The following CHURC1 variants were observed in gnomAD, a reference collection of about 807,000 sequenced individuals.
CHURC1 encodes the protein protein Churchill.
CHURC1 carries 12 observed loss-of-function variants against 15.4 expected under a neutral mutation model. The ratio of observed to expected loss-of-function variants is 0.78; its 90% CI spans 0.50 to 1.27. The LOEUF (loss-of-function observed/expected upper bound fraction) is 1.27. Ranked by LOEUF, CHURC1 falls within the 50% of genes most tolerant of loss-of-function variation. The probability of loss-of-function intolerance (pLI) is 0.00; values close to 1 mark genes in which losing one functional copy is unlikely to be tolerated. For synonymous variants in CHURC1, 42 were observed against 47.5 expected (o/e 0.88, Z 0.48); for missense variants, 132 against 137.8 (o/e 0.96, Z 0.21).
chr14:64,926,144 TG>T, intron 3 of CHURC1, 64 bp downstream of exon 3: 1 of 1,180,588 alleles, frequency 8.5e-7, no homozygotes, highest in Non-Finnish European at 1.2e-6. Context: ...AAAGTGCTCT[TG>T]AGAATCTAAA....
chr14:64,926,559 G>A (rs146341552), intron 3 of CHURC1, among the ~76,000 whole-genome samples: 1,570 of 152,280 alleles, frequency 0.01, 16 homozygotes, highest in Non-Finnish European at 0.016. Context: ...TTACGTGATT[G>A]CACAGTTGTG....
chr14:64,916,170 A>G (rs551624146), intron 1 of CHURC1, among the ~76,000 whole-genome samples: 1 of 152,380 alleles, frequency 6.6e-6, no homozygotes, highest in South Asian at 2.1e-4. Flanking sequence ...AGTGTTGATG[A>G]AAGAACACAT....
rs1456773917 is a variant in CHURC1 at position 64,934,607 on chromosome 14, T to C, written c.*2377T>C. ...AGTTGTTTTATTCCTGGAAAATGTTTTTCATTTTGCTGCAAATCTATATCT... is the reference window on the plus strand; with the variant it reads ...AGTTGTTTTATTCCTGGAAAATGTTCTTCATTTTGCTGCAAATCTATATCT... On this transcript the variant is annotated 3_prime_UTR_variant, in exon 4 of 4. Transcript: ENST00000549115. The C allele has an allele frequency of 3.0e-6, 3 of 985,330 alleles. No individual in the cohort carries two copies. The highest frequency in any genetic ancestry group is 4.7e-5 in the South Asian group (1 of 21,294). The allele number at this position is 985,330 out of a possible 1,614,324, so 61.0% of individuals were successfully genotyped here.
chr14:64,924,151 T>G (rs920359447), intron 2 of CHURC1, 25 bp downstream of exon 2: 2 of 1,587,374 alleles, frequency 1.3e-6, no homozygotes, highest in Non-Finnish European at 1.7e-6. Context: ...TTTTTTAACC[T>G]GAGTGTGTTA....
chr14:64,933,673 C>G lies in CHURC1; in HGVS notation c.*1443C>G, dbSNP rs1885198230. 3.0e-6 allele frequency: 3 copies of G among 985,286 alleles called. No homozygotes were observed. Among genetic ancestry groups the G allele is most frequent in the Admixed American group, 6.2e-5 (1 of 16,250 alleles). 61.0% of individuals were successfully genotyped at this position (985,286 alleles called of 1,614,324 possible). A position where few individuals can be genotyped will look rare whatever the true frequency, so the allele number is the denominator to read the frequency against. ...GAGGTGGCTTCAATTAGTGCTCATT[C>G]TGAGACCTAAATTTAAAGGGTCAGG... On this transcript the variant is annotated 3_prime_UTR_variant, in exon 4 of 4. Coordinates refer to ENST00000549115, the MANE Select transcript of CHURC1 (RefSeq NM_001386928.1).
At position 64,926,177 on chromosome 14, in the gene CHURC1, G is replaced by A. The variant is rs1024516781; in HGVS notation, c.246+97G>A. On this transcript the variant is annotated intron_variant, in intron 3 of 3. Coordinates refer to ENST00000549115, the MANE Select transcript of CHURC1 (RefSeq NM_001386928.1). Reference sequence around the variant, plus strand: ...TAAATACGGTTTTCATAAGTGAAGTGCAAAGCGTTAGCATATATTAAAGGA... The same window carrying A: ...TAAATACGGTTTTCATAAGTGAAGTACAAAGCGTTAGCATATATTAAAGGA... The A allele has an allele frequency of 1.4e-5, 10 of 724,998 alleles. No individual in the cohort carries two copies. The Admixed American group carries it at 2.0e-4, about 14-fold the overall frequency. 44.9% of individuals were successfully genotyped at this position (724,998 alleles called of 1,614,324 possible). A position where few individuals can be genotyped will look rare whatever the true frequency, so the allele number is the denominator to read the frequency against.
intron 1 of CHURC1, among the ~76,000 whole-genome samples, chr14:64,917,885 G>A (rs1239103529): frequency 6.6e-6 from 1 of 152,160 alleles, no homozygotes; most frequent in Non-Finnish European, 1.5e-5. Context: ...AAACAAAATT[G>A]GGGACAAATG....
chr14:64,914,710 G>T (rs1221507860), intron 1 of CHURC1, among the ~76,000 whole-genome samples, 176 bp downstream of exon 1: 1 of 152,232 alleles, frequency 6.6e-6, no homozygotes, highest in Non-Finnish European at 1.5e-5. Context: ...TGCACCTCTG[G>T]TACCCGCCCT....
rs555815255 is a variant in CHURC1, at chr14:64,922,912, G to A, written c.40-1079G>A. Among the ~76,000 whole-genome samples, 5 of 152,196 alleles carry A rather than the reference G, an allele frequency of 3.3e-5. No individual in the cohort carries two copies. The South Asian group carries it at 6.2e-4, about 19-fold the overall frequency. On this transcript the variant is annotated intron_variant, in intron 1 of 3. Coordinates refer to ENST00000549115, the MANE Select transcript of CHURC1 (RefSeq NM_001386928.1). ...ATTATTTATGGTGGATCTTAATTTC[G>A]CTGATGCTTCTTAAAACTCCTTGAA...
At position 64,934,874 on chromosome 14, in the gene CHURC1, A is replaced by G. The variant is rs772108253; in HGVS notation, c.*2644A>G. 6.9e-5 allele frequency: 68 copies of G among 984,324 alleles called. No individual in the cohort carries two copies. In the African/African-American group the frequency reaches 1.0e-3, roughly 15 times the overall value. The allele number at this position is 984,324 out of a possible 1,614,324, so 61.0% of individuals were successfully genotyped here. A position where few individuals can be genotyped will look rare whatever the true frequency, so the allele number is the denominator to read the frequency against. On this transcript the variant is annotated 3_prime_UTR_variant, in exon 4 of 4. Transcript: ENST00000549115. ...TTTGGACTATATGTTACAAAAATTT[A>G]AAACATAAGATCCTCTCTCTATATT... is the stretch of plus-strand genomic sequence containing the variant.
chr14:64,923,413 C>G (rs977050245), intron 1 of CHURC1, among the ~76,000 whole-genome samples: 2 of 152,066 alleles, frequency 1.3e-5, no homozygotes, highest in Non-Finnish European at 2.9e-5. Flanking sequence ...TTGTGTCAGT[C>G]TTACGAAATG....
intron 3 of CHURC1, 63 bp from the exon 4 acceptor site, chr14:64,932,075 G>A (rs1402444598): frequency 8.3e-6 from 13 of 1,562,854 alleles, no homozygotes; most frequent in Middle Eastern, 3.4e-4. Context: ...CTTAACTAGA[G>A]TAAGTTATAA....
chr14:64,930,738 T>A, intron 3 of CHURC1: 1 of 426,520 alleles, frequency 2.3e-6, no homozygotes, highest in Non-Finnish European at 4.6e-6. Flanking sequence ...AGTATTTGTT[T>A]AGCCTCACAC....
At position 64,932,397 on chromosome 14, in the gene CHURC1, C is replaced by T. The variant is rs1885130120; in HGVS notation, c.*167C>T. 7.3e-7 allele frequency: 1 copy of T among 1,376,128 alleles called. No individual in the cohort carries two copies. Among genetic ancestry groups the T allele is most frequent in the African/African-American group, 1.5e-5 (1 of 68,630 alleles). The allele number at this position is 1,376,128 out of a possible 1,614,324, so 85.2% of individuals were successfully genotyped here. A position where few individuals can be genotyped will look rare whatever the true frequency, so the allele number is the denominator to read the frequency against. Reference sequence around the variant, plus strand: ...AGGTAATGTAGGAGCTCATTGTTCTCTAGAGCTGAGCTCTTCTGCTAAAGT... The same window carrying T: ...AGGTAATGTAGGAGCTCATTGTTCTTTAGAGCTGAGCTCTTCTGCTAAAGT... On this transcript the variant is annotated 3_prime_UTR_variant, in exon 4 of 4. Coordinates refer to ENST00000549115, the MANE Select transcript of CHURC1 (RefSeq NM_001386928.1).
rs537315713 is a variant in CHURC1, at chr14:64,925,789, G to A, written c.176-221G>A. The stretch of plus-strand genomic sequence containing the variant: ...TGCTTCTCTTAAAGAACTTTTGGTG[G>A]CAATTAATAAAAGCTCAGACTCAGA... On this transcript the variant is annotated intron_variant, in intron 2 of 3. Transcript: ENST00000549115. Among the ~76,000 whole-genome samples, 162 of 151,280 alleles carry A rather than the reference G, an allele frequency of 1.1e-3. 2 individuals are homozygous for A. Among genetic ancestry groups the A allele is most frequent in the African/African-American group, 3.7e-3 (152 of 40,998 alleles).
chr14:64,933,470 C>T lies in CHURC1; in HGVS notation c.*1240C>T, dbSNP rs766868483. 4.4e-5 allele frequency: 43 copies of T among 985,352 alleles called. No individual in the cohort carries two copies. Among genetic ancestry groups the T allele is most frequent in the Middle Eastern group, 5.2e-4 (1 of 1,912 alleles). The allele number at this position is 985,352 out of a possible 1,614,324, so 61.0% of individuals were successfully genotyped here. Reference sequence around the variant, plus strand: ...ATAAACTGGCATTTAGGCCTCTCTGCCATTTAGTAGCAGTATAGTCATTAA... The same window carrying T: ...ATAAACTGGCATTTAGGCCTCTCTGTCATTTAGTAGCAGTATAGTCATTAA... On this transcript the variant is annotated 3_prime_UTR_variant, in exon 4 of 4. Transcript: ENST00000549115.
At position 64,914,495 on chromosome 14, in the gene CHURC1, G is replaced by T. The variant is rs770950234; in HGVS notation, c.-1G>T. ...GGACATTCCCTGTTGACTGCGTCGC[G>T]ATGTGTGGCGACTGTGTGGAGAAGG... On this transcript the variant is annotated 5_prime_UTR_variant, in exon 1 of 4. Transcript: ENST00000549115. 1.9e-6 allele frequency: 3 copies of T among 1,614,262 alleles called. No homozygotes were observed. Among genetic ancestry groups the T allele is most frequent in the Non-Finnish European group, 2.5e-6 (3 of 1,180,040 alleles).
At chr14:64,920,040 C>A (rs951723284) in intron 1 of CHURC1, among the ~76,000 whole-genome samples, 2 of 151,722 alleles carry the variant, frequency 1.3e-5, no homozygotes, top group African/African-American at 2.4e-5. Flanking sequence ...TAAGAAAAAC[C>A]GTATTTTCCA....
chr14:64,916,546 A>C lies in CHURC1; in HGVS notation c.39+2012A>C, dbSNP rs367758289. ...CATGAGGGAGGAGTTTGCAGTAGAG[A>C]ATATTAAAGAGATTAGGTTGGATTC... is the stretch of plus-strand genomic sequence containing the variant. On this transcript the variant is annotated intron_variant, in intron 1 of 3. Transcript: ENST00000549115. Among the ~76,000 whole-genome samples the C allele has an allele frequency of 7.9e-5, 12 of 152,198 alleles. No individual in the cohort carries two copies. The East Asian group carries it at 1.4e-3, about 17-fold the overall frequency.
Sources: gnomAD v4.1 joint callset for allele counts (sites outside exome capture counted in the v4.1 genomes callset) on GRCh38, gnomAD v4.1.1 for gene constraint, MANE v1.5 for transcripts, NCBI Gene and HGNC (gene_info 2026-07-23, HGNC 2026-07-21) for gene names.